Variants in USH2A observed in about 807,000 individuals in gnomAD.
USH2A encodes Usher syndrome 2A (autosomal recessive, mild).
Under a neutral mutation model 538.9 loss-of-function variants are expected in USH2A, and 443 were observed. That is an observed-to-expected ratio of 0.82 (90% CI 0.76 to 0.89). The LOEUF is 0.89. USH2A is among the 40% of genes least tolerant of loss of function. The pLI is 0.00. For missense variants in USH2A, 6,633 were observed against 6,324.8 expected (o/e 1.05, Z -1.65); for synonymous variants, 2,413 against 2,273.5 (o/e 1.06, Z -1.75).
intron 16 of USH2A, chr1:216,204,322 G>T (rs575926607): frequency 6.6e-6 from 1 of 152,132 alleles, no homozygotes; most frequent in African/African-American, 2.4e-5. Context: ...TATGATTCTC[G>T]AAGCGCTAGC....
At chr1:215,681,731 A>G (rs944656538) in intron 61 of USH2A, among the ~76,000 whole-genome samples, 11 of 152,196 alleles carry the variant, frequency 7.2e-5, no homozygotes, top group Admixed American at 4.6e-4. Flanking sequence ...TTCTGACATT[A>G]TTGGCTGTAT....
At chr1:215,667,705 G>GAAGAAGAAGGAAAAAAACA (rs1657676130) in intron 64 of USH2A, among the ~76,000 whole-genome samples, 2 of 141,480 alleles carry the variant, frequency 1.4e-5, no homozygotes, top group Middle Eastern at 3.5e-3. Flanking sequence ...CTCAGAAAAA[G>GAAGAAGAAGGAAAAAAACA]AAGAAGAAGG....
chr1:215,711,110 T>C (rs758794331), intron 61 of USH2A, among the ~76,000 whole-genome samples: 7 of 152,190 alleles, frequency 4.6e-5, no homozygotes, highest in South Asian at 2.1e-4. Context: ...TAGAAGCATA[T>C]AATCTTTGAA....
intron 37 of USH2A, among the ~76,000 whole-genome samples, chr1:215,950,385 A>G (rs76778014): frequency 0.032 from 4,873 of 152,290 alleles, 120 homozygotes; most frequent in South Asian, 0.083. Context: ...AATGTGTAAA[A>G]TATGATATGT....
At position 216,073,199 on chromosome 1, in the gene USH2A, G is replaced by A. The variant is rs571844190; in HGVS notation, c.5674C>T (p.Leu1892=). The change falls in exon 28 of 72, where the codon CTA becomes TTA. Residue 1892 remains leucine, a synonymous_variant. Transcript: ENST00000307340. ...GAVRVNLDGC[L]STDSAVNCRG... is the part of the protein sequence containing the mutation. ...CAGTTAACAGCACTGTCAGTTGATA[G>A]GCATCCATCCAGATTGACTCTGACA... The A allele has an allele frequency of 5.6e-6, 9 of 1,613,736 alleles. No individual in the cohort carries two copies. Among genetic ancestry groups the A allele is most frequent in the African/African-American group, 2.7e-5 (2 of 74,990 alleles).
At chr1:216,412,942 T>A (rs754886723) in intron 3 of USH2A, among the ~76,000 whole-genome samples, 1 of 152,090 alleles carries the variant, frequency 6.6e-6, no homozygotes, top group Non-Finnish European at 1.5e-5. Context: ...GTTACAAGCA[T>A]GTCACTATTT....
At chr1:216,215,074 A>G (rs920680755) in intron 15 of USH2A, among the ~76,000 whole-genome samples, 7 of 152,096 alleles carry the variant, frequency 4.6e-5, no homozygotes, top group Non-Finnish European at 1.0e-4. Context: ...ACTATAAGAA[A>G]AGGTCTAACT....
chr1:216,012,478 G>T (rs986286745), intron 32 of USH2A, among the ~76,000 whole-genome samples: 6 of 152,108 alleles, frequency 3.9e-5, no homozygotes, highest in African/African-American at 1.4e-4. Flanking sequence ...TTCCTACAGG[G>T]TCTGAGAAGG....
chr1:216,067,605 C>A (rs1407321231), intron 30 of USH2A, among the ~76,000 whole-genome samples: 1 of 151,630 alleles, frequency 6.6e-6, no homozygotes, highest in Non-Finnish European at 1.5e-5. Context: ...AAATGGATGA[C>A]CTTAACACAT....
chr1:216,114,699 AC>A (rs1302423446), intron 21 of USH2A, among the ~76,000 whole-genome samples: 1 of 152,124 alleles, frequency 6.6e-6, no homozygotes, highest in African/African-American at 2.4e-5. Flanking sequence ...TGATTGGTAA[AC>A]CCTGAAGAAA....
intron 61 of USH2A, among the ~76,000 whole-genome samples, chr1:215,711,006 C>T (rs534933968): frequency 1.3e-5 from 2 of 152,038 alleles, no homozygotes; most frequent in African/African-American, 4.8e-5. Flanking sequence ...TTCAGTTTAA[C>T]ATCCCTCAAG....
intron 3 of USH2A, among the ~76,000 whole-genome samples, chr1:216,374,289 A>C (rs558466082): frequency 3.0e-4 from 6 of 20,124 alleles, no homozygotes; most frequent in Non-Finnish European, 6.7e-4. Context: ...GTGCCGACCC[A>C]AAAAAAAAAA....
At chr1:216,367,475 C>A (rs574158209) in intron 3 of USH2A, among the ~76,000 whole-genome samples, 1 of 152,076 alleles carries the variant, frequency 6.6e-6, no homozygotes, top group African/African-American at 2.4e-5. Flanking sequence ...AGATAGAAAG[C>A]ATGTTTTTGA....
At chr1:216,139,020 G>A (rs75135784) in intron 21 of USH2A, among the ~76,000 whole-genome samples, 9,283 of 151,836 alleles carry the variant, frequency 0.061, 367 homozygotes, top group East Asian at 0.18. Flanking sequence ...ACATCTTACT[G>A]CAAAGTGTGG....
At chr1:215,754,935 C>T (rs1465073044) in intron 58 of USH2A, among the ~76,000 whole-genome samples, 1 of 152,142 alleles carries the variant, frequency 6.6e-6, no homozygotes, top group Admixed American at 6.6e-5. Flanking sequence ...TTTCTTCATG[C>T]TGCAGAGATC....
rs1171218370 is a variant in USH2A, at chr1:215,938,664, T to G, written c.7121-3869A>C. On this transcript the variant is annotated intron_variant, in intron 37 of 71. Coordinates refer to ENST00000307340, the MANE Select transcript of USH2A (RefSeq NM_206933.4). ...TATAAGTGGATGGTGCAAGACCTTT[T>G]AAGCTTCTGAGTTCTGGAACCGCAA... Among the ~76,000 whole-genome samples the G allele has an allele frequency of 2.0e-5, 3 of 152,150 alleles. No homozygotes were observed. In the South Asian group the frequency reaches 6.2e-4, roughly 32 times the overall value.
chr1:215,684,762 C>T (rs1571956456), intron 61 of USH2A, among the ~76,000 whole-genome samples: 2 of 152,230 alleles, frequency 1.3e-5, no homozygotes, highest in South Asian at 4.1e-4. Flanking sequence ...TATGATTCTC[C>T]CTTATCCTGG....
chr1:215,757,166 G>T (rs547102963), intron 58 of USH2A, among the ~76,000 whole-genome samples: 1 of 152,154 alleles, frequency 6.6e-6, no homozygotes, highest in Non-Finnish European at 1.5e-5. Context: ...TTAATATGCT[G>T]CACATTTATT....
intron 32 of USH2A, among the ~76,000 whole-genome samples, chr1:216,015,207 C>T (rs1668675857): frequency 6.6e-6 from 1 of 152,160 alleles, no homozygotes; most frequent in Non-Finnish European, 1.5e-5. Context: ...ACCTGAGAAC[C>T]TCTGCTAGGT....
Sources: gnomAD v4.1 joint callset for allele counts (sites outside exome capture counted in the v4.1 genomes callset) on GRCh38, gnomAD v4.1.1 for gene constraint, MANE v1.5 for transcripts, NCBI Gene and HGNC (gene_info 2026-07-23, HGNC 2026-07-21) for gene names.